The following RBFOX1 variants were observed in gnomAD, a reference collection of about 807,000 sequenced individuals.
RBFOX1 encodes RNA binding fox-1 homolog 1.
A neutral mutation model predicts 57.7 loss-of-function variants in RBFOX1; 8 were observed. The ratio of observed to expected loss-of-function variants is 0.14; its 90% CI spans 0.08 to 0.25. The LOEUF (loss-of-function observed/expected upper bound fraction) is 0.25. Among genes scored for constraint, RBFOX1 ranks in the 10% least tolerant of loss-of-function variants. The probability of loss-of-function intolerance (pLI) is 1.00; values close to 1 mark genes in which losing one functional copy is unlikely to be tolerated. For synonymous variants in RBFOX1, 326 were observed against 222.4 expected (o/e 1.47, Z -4.15); for missense variants, 611 against 548.5 (o/e 1.11, Z -1.14).
At chr16:5,629,328 G>T (rs541632601) in intron 3 of RBFOX1, among the ~76,000 whole-genome samples, 2 of 152,164 alleles carry the variant, frequency 1.3e-5, no homozygotes, top group Admixed American at 1.3e-4. Flanking sequence ...GCTCAGAATG[G>T]ATACAGCAGC....
intron 1 of RBFOX1, among the ~76,000 whole-genome samples, chr16:5,411,135 A>G (rs1167926591): frequency 1.3e-5 from 2 of 152,250 alleles, no homozygotes; most frequent in Non-Finnish European, 2.9e-5. Flanking sequence ...GGCGGAGGCC[A>G]GAGGGCAGAC....
At chr16:7,177,841 G>A (rs921546179) in intron 4 of RBFOX1, among the ~76,000 whole-genome samples, 46 of 152,290 alleles carry the variant, frequency 3.0e-4, no homozygotes, top group Admixed American at 1.2e-3. Context: ...GCTGTATTCC[G>A]ATAAAACTTT....
At chr16:7,679,176 C>A (rs1422570309) in intron 14 of RBFOX1, among the ~76,000 whole-genome samples, 2 of 152,142 alleles carry the variant, frequency 1.3e-5, no homozygotes, top group African/African-American at 4.8e-5. Context: ...GGTGCTACTT[C>A]CTTTTATCTG....
chr16:6,571,477 C>T (rs918012149), intron 2 of RBFOX1, among the ~76,000 whole-genome samples: 5 of 152,124 alleles, frequency 3.3e-5, no homozygotes, highest in African/African-American at 1.2e-4. Flanking sequence ...TATAGATTTT[C>T]TTTCCTGATT....
At chr16:7,140,160 C>CTCTCTCTG (rs1231404438) in intron 4 of RBFOX1, among the ~76,000 whole-genome samples, 1 of 87,446 alleles carries the variant, frequency 1.1e-5, no homozygotes, top group African/African-American at 5.2e-5. Flanking sequence ...TTCTCTCCCT[C>CTCTCTCTG]TCTCTCTCTC....
At chr16:7,149,127 G>C (rs1301233256) in intron 4 of RBFOX1, among the ~76,000 whole-genome samples, 1 of 152,160 alleles carries the variant, frequency 6.6e-6, no homozygotes, top group African/African-American at 2.4e-5. Flanking sequence ...TCCAGACATG[G>C]AAGAGAGAAA....
chr16:6,559,449 C>G (rs747206753), intron 2 of RBFOX1, among the ~76,000 whole-genome samples: 2 of 152,070 alleles, frequency 1.3e-5, no homozygotes, highest in African/African-American at 4.8e-5. Context: ...ACCATCTTCT[C>G]TTTTAGAAAG....
Position 6,120,159 on chromosome 16 carries a change from A to G in RBFOX1, c.-127+100167A>G, listed in dbSNP as rs112650213. Among the ~76,000 whole-genome samples the G allele has an allele frequency of 4.4e-4, 67 of 152,184 alleles. 1 individual carries two copies. Among genetic ancestry groups the G allele is most frequent in the Non-Finnish European group, 1.3e-4 (9 of 68,040 alleles). On this transcript the variant is annotated intron_variant, in intron 1 of 15. Transcript: ENST00000550418. Reference sequence around the variant, plus strand: ...GGCTGAATAACGTTCCACTGTATGGATAGACTATGTATTTATCCGTTGATT... The same window carrying G: ...GGCTGAATAACGTTCCACTGTATGGGTAGACTATGTATTTATCCGTTGATT...
In RBFOX1 at chr16:7,573,834, C is replaced by CA. The variant is rs3842359; in HGVS notation, c.271-5932dup. Among the ~76,000 whole-genome samples, 1,305 of 145,066 alleles carry CA rather than the reference C, an allele frequency of 9.0e-3. 15 individuals carry two copies. Among genetic ancestry groups the CA allele is most frequent in the East Asian group, 0.024 (118 of 4,956 alleles). ...TGGGCAACAGAACAAGACTCTGTCTCAAAAAAAAAAAGAGGTCAAATAAAT... is the reference window on the plus strand; with the variant it reads ...TGGGCAACAGAACAAGACTCTGTCTCAAAAAAAAAAAAGAGGTCAAATAAAT... On this transcript the variant is annotated intron_variant, in intron 5 of 15. Coordinates refer to ENST00000550418, the MANE Select transcript of RBFOX1 (RefSeq NM_018723.4).
In RBFOX1 at chr16:5,448,992, G is replaced by A. The variant is rs59718238; in HGVS notation, c.220-18224G>A. Among the ~76,000 whole-genome samples, 1,089 of 152,114 alleles carry A rather than the reference G, an allele frequency of 7.2e-3. 16 individuals are homozygous for A. Among genetic ancestry groups the A allele is most frequent in the African/African-American group, 0.025 (1,051 of 41,506 alleles). Reference sequence around the variant, plus strand: ...CCACCGTCCTCCTTCCCACCACAGGGCCTTTGCACGTGGCCAGGTCACAGA... The same window carrying A: ...CCACCGTCCTCCTTCCCACCACAGGACCTTTGCACGTGGCCAGGTCACAGA... On this transcript the variant is annotated intron_variant, in intron 1 of 2. Coordinates refer to the RBFOX1 transcript ENST00000585867.
rs1396981123 is a variant in RBFOX1 at position 7,043,550 on chromosome 16, A to G, written c.-15-8507A>G. On this transcript the variant is annotated intron_variant, in intron 3 of 15. Transcript: ENST00000550418. ...TTCAGAAGAGTTTATAATGATTACA[A>G]AAACAGCAACGCTGAGAAATAAAGC... 5.3e-5 allele frequency among the ~76,000 whole-genome samples: 8 copies of G among 152,218 alleles called. 1 individual carries two copies. Among genetic ancestry groups the G allele is most frequent in the African/African-American group, 1.7e-4 (7 of 41,460 alleles).
At position 6,412,642 on chromosome 16, in the gene RBFOX1, A is replaced by G. The variant is rs575982874; in HGVS notation, c.-64+95585A>G. Among the ~76,000 whole-genome samples the G allele has an allele frequency of 6.2e-4, 94 of 152,368 alleles. 1 individual carries two copies. In the South Asian group the frequency reaches 7.9e-3, roughly 13 times the overall value. ...ACCTGCAATAATAAGCAAGCGCTTCACATGCACTTTGATGTGCTCCATTTT... is the reference window on the plus strand; with the variant it reads ...ACCTGCAATAATAAGCAAGCGCTTCGCATGCACTTTGATGTGCTCCATTTT... On this transcript the variant is annotated intron_variant, in intron 2 of 15. Transcript: ENST00000550418.
At chr16:7,386,027 G>A (rs1486370948) in intron 4 of RBFOX1, among the ~76,000 whole-genome samples, 1 of 151,576 alleles carries the variant, frequency 6.6e-6, no homozygotes, top group Non-Finnish European at 1.5e-5. Context: ...CTGACCTCGT[G>A]AACCACACGG....
chr16:6,582,108 A>G (rs1415282919), intron 2 of RBFOX1, among the ~76,000 whole-genome samples: 1 of 152,168 alleles, frequency 6.6e-6, no homozygotes, highest in African/African-American at 2.4e-5. Flanking sequence ...AAATGGCAAT[A>G]GCATTGAGGC....
At chr16:5,614,440 C>T (rs970254003) in intron 3 of RBFOX1, among the ~76,000 whole-genome samples, 6 of 152,094 alleles carry the variant, frequency 3.9e-5, no homozygotes, top group African/African-American at 9.7e-5. Context: ...GGCACAGAGT[C>T]GTTCCAATGT....
At chr16:7,621,351 C>T (rs753934203) in intron 10 of RBFOX1, among the ~76,000 whole-genome samples, 1 of 151,992 alleles carries the variant, frequency 6.6e-6, no homozygotes, top group Admixed American at 6.6e-5. Context: ...ACCTCTGCCT[C>T]GCGGGTTCAA....
At chr16:5,368,474 A>C (rs2065779945) in intron 1 of RBFOX1, among the ~76,000 whole-genome samples, 1 of 152,242 alleles carries the variant, frequency 6.6e-6, no homozygotes, top group Non-Finnish European at 1.5e-5. Flanking sequence ...CTACCTTTAC[A>C]GCAAGAGAAA....
At chr16:7,308,984 G>C (rs2096252926) in intron 4 of RBFOX1, among the ~76,000 whole-genome samples, 1 of 152,156 alleles carries the variant, frequency 6.6e-6, no homozygotes, top group Non-Finnish European at 1.5e-5. Flanking sequence ...TGATTTATTA[G>C]ATAGTGCTAT....
chr16:5,487,346 G>T (rs1001318232), intron 2 of RBFOX1, among the ~76,000 whole-genome samples: 2 of 152,212 alleles, frequency 1.3e-5, no homozygotes, highest in Non-Finnish European at 2.9e-5. Flanking sequence ...CTTTTTCAAT[G>T]AATGGGGGAA....
Sources: gnomAD v4.1 joint callset for allele counts (sites outside exome capture counted in the v4.1 genomes callset) on GRCh38, gnomAD v4.1.1 for gene constraint, MANE v1.5 for transcripts, NCBI Gene and HGNC (gene_info 2026-07-23, HGNC 2026-07-21) for gene names.